PCDHA10: variants seen among roughly 807,000 people sequenced by gnomAD.
The protein encoded by PCDHA10 is protocadherin alpha 10.
In PCDHA10, 45 loss-of-function variants were observed where a neutral mutation model predicts 61.2. The ratio of observed to expected loss-of-function variants is 0.74; its 90% CI spans 0.58 to 0.94. The LOEUF (loss-of-function observed/expected upper bound fraction) is 0.94, where lower values mean the gene tolerates loss of function less well. PCDHA10 is among the 40% of genes least tolerant of loss of function. The pLI, the probability that PCDHA10 is intolerant of heterozygous loss-of-function variation, is 0.00. For missense variants in PCDHA10, 1,278 were observed against 1,236.2 expected (o/e 1.03, Z -0.51); for synonymous variants, 602 against 548.8 (o/e 1.10, Z -1.35).
intron 1 of PCDHA10, chr5:140,884,522 C>T: frequency 6.2e-7 from 1 of 1,614,058 alleles, no homozygotes. Flanking sequence ...GTCGTACTCG[C>T]AGCAGAGGCG....
chr5:140,949,537 C>T (rs1359504503), intron 1 of PCDHA10, among the ~76,000 whole-genome samples: 4 of 151,692 alleles, frequency 2.6e-5, no homozygotes, highest in African/African-American at 7.3e-5. Context: ...CATAAAATAT[C>T]GATTTGTTGC....
At chr5:140,878,787 T>C (rs2057727241) in intron 1 of PCDHA10, among the ~76,000 whole-genome samples, 1 of 152,222 alleles carries the variant, frequency 6.6e-6, no homozygotes, top group Admixed American at 6.5e-5. Flanking sequence ...ATATGTTCAA[T>C]CACTTTTTAA....
intron 1 of PCDHA10, among the ~76,000 whole-genome samples, chr5:140,918,972 A>G (rs782748846): frequency 6.6e-5 from 10 of 152,184 alleles, no homozygotes; most frequent in Non-Finnish European, 1.3e-4. Flanking sequence ...GATATCGTTT[A>G]GGTTAGTTGG....
chr5:140,916,871 T>C (rs1321229691), intron 1 of PCDHA10, among the ~76,000 whole-genome samples: 1 of 152,162 alleles, frequency 6.6e-6, no homozygotes, highest in African/African-American at 2.4e-5. Context: ...ACCTAGGAAT[T>C]GCAATCCTTG....
intron 1 of PCDHA10, among the ~76,000 whole-genome samples, chr5:140,958,881 A>G (rs565016962): frequency 2.0e-5 from 3 of 152,092 alleles, no homozygotes; most frequent in Non-Finnish European, 2.9e-5. Flanking sequence ...AGAATTGACC[A>G]GTAGCTATAT....
chr5:140,929,112 C>A, intron 1 of PCDHA10: 1 of 1,614,130 alleles, frequency 6.2e-7, no homozygotes, highest in South Asian at 1.1e-5. Flanking sequence ...TGACATCAGC[C>A]ACCATAGATG....
intron 1 of PCDHA10, chr5:140,968,346 C>T: frequency 6.2e-7 from 1 of 1,614,090 alleles, no homozygotes. Flanking sequence ...ATTAACAGTG[C>T]CAGTGGCAGC....
At chr5:140,976,782 A>G (rs1209900673) in intron 1 of PCDHA10, among the ~76,000 whole-genome samples, 1 of 152,212 alleles carries the variant, frequency 6.6e-6, no homozygotes, top group African/African-American at 2.4e-5. Flanking sequence ...CTGACTATAT[A>G]GCTACGCTTT....
intron 1 of PCDHA10, among the ~76,000 whole-genome samples, chr5:140,902,203 C>CTTTTT (rs148688132): frequency 5.6e-5 from 7 of 124,458 alleles, no homozygotes; most frequent in South Asian, 2.5e-4. Context: ...CTCTCTCTTT[C>CTTTTT]TTTTTTTTTT....
At position 140,877,459 on chromosome 5, in the gene PCDHA10, G is replaced by A. The variant is rs782125799; in HGVS notation, c.2388+19023G>A. ...CGGTGAGCCCGCGCTGACGTCCACGGCCACGGTGCTGGTGTCGCTGGTGGA... is the reference window on the plus strand; with the variant it reads ...CGGTGAGCCCGCGCTGACGTCCACGACCACGGTGCTGGTGTCGCTGGTGGA... On this transcript the variant is annotated intron_variant, in intron 1 of 3. Coordinates refer to ENST00000307360, the MANE Select transcript of PCDHA10 (RefSeq NM_018901.4). 98 of 1,613,712 alleles carry A rather than the reference G, an allele frequency of 6.1e-5. No individual in the cohort carries two copies. The East Asian group carries it at 2.1e-3, about 35-fold the overall frequency.
At chr5:140,884,078 A>C (rs2059981897) in intron 1 of PCDHA10, 5 of 1,613,512 alleles carry the variant, frequency 3.1e-6, no homozygotes, top group Non-Finnish European at 4.2e-6. Flanking sequence ...TTCGGGCTAC[A>C]ATGCGTGGCT....
chr5:140,870,689 T>G (rs1349209235), intron 1 of PCDHA10: 1 of 1,612,838 alleles, frequency 6.2e-7, no homozygotes. Context: ...GAGCTGGAGC[T>G]GCTACAGTTC....
chr5:140,897,695 C>T (rs1417139429), intron 1 of PCDHA10, among the ~76,000 whole-genome samples: 12 of 152,090 alleles, frequency 7.9e-5, no homozygotes, highest in South Asian at 4.2e-4. Flanking sequence ...GTCCTTTGGG[C>T]ATATACCCAG....
intron 1 of PCDHA10, among the ~76,000 whole-genome samples, chr5:140,899,610 A>G (rs2067438350): frequency 6.6e-6 from 1 of 152,164 alleles, no homozygotes; most frequent in Admixed American, 6.5e-5. Flanking sequence ...TTTTGCATCA[A>G]TGTTCATCAA....
chr5:140,911,894 A>G (rs1352900427), intron 1 of PCDHA10, among the ~76,000 whole-genome samples: 2 of 152,184 alleles, frequency 1.3e-5, no homozygotes, highest in Non-Finnish European at 2.9e-5. Context: ...CAAAATCTGT[A>G]TTAGTCAGAG....
intron 1 of PCDHA10, chr5:140,883,472 A>G (rs782442737): frequency 1.2e-5 from 20 of 1,614,018 alleles, no homozygotes; most frequent in Non-Finnish European, 1.4e-5. Context: ...GTCCACCTAC[A>G]AGAACTACTA....
rs200797202 is a variant in PCDHA10 at position 140,937,911 on chromosome 5, C to CA, written c.2389-41022dup. On this transcript the variant is annotated intron_variant, in intron 1 of 3. Coordinates refer to ENST00000307360, the MANE Select transcript of PCDHA10 (RefSeq NM_018901.4). ...TGGGCGACAGAGTGAGACTCCGTCT[C>CA]AAAAAAAAAAAAAAAAGTTTAATTT... 3.1e-3 allele frequency among the ~76,000 whole-genome samples: 361 copies of CA among 117,828 alleles called. 2 individuals are homozygous for CA. In the East Asian group the frequency reaches 0.042, roughly 14 times the overall value. 77.3% of individuals were successfully genotyped at this position (117,828 alleles called of 152,430 possible).
intron 1 of PCDHA10, among the ~76,000 whole-genome samples, chr5:140,911,789 G>A (rs1399185754): frequency 6.6e-6 from 1 of 152,024 alleles, no homozygotes; most frequent in Non-Finnish European, 1.5e-5. Flanking sequence ...GCATTTTTGG[G>A]TCTAATCATA....
intron 1 of PCDHA10, chr5:140,860,340 C>G (rs981702671): frequency 6.6e-6 from 1 of 151,936 alleles, no homozygotes; most frequent in Admixed American, 6.6e-5. Context: ...ATGATTGTGC[C>G]ACTGCACTCC....
Sources: allele counts gnomAD v4.1 joint callset (sites outside exome capture counted in the v4.1 genomes callset), GRCh38; gene constraint gnomAD v4.1.1; transcripts MANE v1.5; gene names NCBI Gene and HGNC (gene_info 2026-07-23, HGNC 2026-07-21).